LRP1: variants seen among roughly 807,000 people sequenced by gnomAD.
LRP1 encodes prolow-density lipoprotein receptor-related protein 1.
LRP1 carries 51 observed loss-of-function variants against 541.5 expected under a neutral mutation model. That is an observed-to-expected ratio of 0.09 (90% confidence interval 0.08 to 0.12). The LOEUF (loss-of-function observed/expected upper bound fraction) is 0.12, where lower values mean the gene tolerates loss of function less well. Among genes scored for constraint, LRP1 ranks in the 10% least tolerant of loss-of-function variants. The pLI, the probability that LRP1 is intolerant of heterozygous loss-of-function variation, is 1.00. For synonymous variants in LRP1, 2,219 were observed against 2,470.8 expected, an observed-to-expected ratio of 0.90 and a Z score of 3.02; for missense variants, 3,878 against 6,376.2, an observed-to-expected ratio of 0.61 and a Z score of 13.34.
chr12:57,175,481 G>A lies in LRP1; in HGVS notation c.3569G>A (p.Gly1190Asp), dbSNP rs760065131. ...CTAGACCAGTGCTCTCTGAATAACG[G>A]TGGCTGCAGCCACAACTGCTCAGTG... ...ELCDQCSLNN[G>D]GCSHNCSVAP... Residue 1190 changes from glycine (G) to aspartate (D), a missense_variant, in exon 23 of 89, where the codon GGT (glycine) becomes GAT (aspartate). This residue lies in a region of LRP1 where 320 missense variants were observed against 547.9 expected (regional missense o/e 0.58). Transcript: ENST00000243077. 18 of 1,613,556 alleles carry A rather than the reference G, an allele frequency of 1.1e-5. No homozygotes were observed. The East Asian group carries it at 3.8e-4, about 34-fold the overall frequency.
intron 58 of LRP1, 50 bp from the exon 59 acceptor site, chr12:57,198,106 G>T (rs1454049990): frequency 6.6e-7 from 1 of 1,518,150 alleles, no homozygotes; most frequent in Admixed American, 1.7e-5. Context: ...AGGCTTGCAG[G>T]TCCTCCCCCA....
intron 48 of LRP1, 24 bp from the exon 49 acceptor site, chr12:57,194,330 C>T: frequency 6.6e-7 from 1 of 1,507,426 alleles, no homozygotes; most frequent in Non-Finnish European, 8.9e-7. Flanking sequence ...AACCAGGTAT[C>T]ACCCTCACCC....
chr12:57,161,412 C>T (rs933690564), intron 13 of LRP1, among the ~76,000 whole-genome samples: 1 of 152,264 alleles, frequency 6.6e-6, no homozygotes, highest in African/African-American at 2.4e-5. Flanking sequence ...ACACCATGTG[C>T]GCCTCCTCAT....
intron 52 of LRP1, 97 bp downstream of exon 52, chr12:57,195,496 G>A: frequency 6.3e-7 from 1 of 1,577,640 alleles, no homozygotes; most frequent in Non-Finnish European, 8.6e-7. Flanking sequence ...AAATGCCTCA[G>A]CGGGGTCCAC....
chr12:57,189,493 C>T lies in LRP1; in HGVS notation c.7032-1312C>T, dbSNP rs2036332917. Among the ~76,000 whole-genome samples the T allele has an allele frequency of 1.3e-5, 2 of 152,208 alleles. No homozygotes were observed. The highest frequency in any genetic ancestry group is 1.3e-4 in the Admixed American group (2 of 15,288). On this transcript the variant is annotated intron_variant, in intron 42 of 88. Transcript: ENST00000243077. The surrounding 1 kb of genome is among the most constrained non-coding windows in gnomAD (Gnocchi z 4.4). Reference sequence around the variant, plus strand: ...CCTTAAGATCAGAGCTTCTCACGAGCTCGCCGAGGCTCAGGGCAGCCAGTG... The same window carrying T: ...CCTTAAGATCAGAGCTTCTCACGAGTTCGCCGAGGCTCAGGGCAGCCAGTG...
At chr12:57,155,945 C>A in intron 8 of LRP1, 149 bp from the exon 9 acceptor site, 1 of 637,802 alleles carries the variant, frequency 1.6e-6, no homozygotes, top group Non-Finnish European at 2.7e-6. Context: ...AGTGAGGTCC[C>A]GTCTCAAAAT....
Position 57,179,183 on chromosome 12 carries a change from A to AG in LRP1, c.4739-140dup, listed in dbSNP as rs1227347023. On this transcript the variant is annotated intron_variant, in intron 28 of 88. Coordinates refer to ENST00000243077, the MANE Select transcript of LRP1 (RefSeq NM_002332.3). This position sits in a 1 kb window ranked among gnomAD's most constrained non-coding sequence, Gnocchi z 6.8. ...TGTGAGAAGGGGCTGCAGGTCTGCC[A>AG]GGGGGGCTGCACCCAGCGGGGTATG... The AG allele has an allele frequency of 1.0e-5, 12 of 1,188,050 alleles. No homozygotes were observed. Among genetic ancestry groups the AG allele is most frequent in the Non-Finnish European group, 1.4e-5 (12 of 845,384 alleles). The allele number at this position is 1,188,050 out of a possible 1,614,324, so 73.6% of individuals were successfully genotyped here. A position where few individuals can be genotyped will look rare whatever the true frequency, so the allele number is the denominator to read the frequency against.
At chr12:57,143,055 C>G (rs936870675) in intron 3 of LRP1, among the ~76,000 whole-genome samples, 1 of 152,140 alleles carries the variant, frequency 6.6e-6, no homozygotes, top group Non-Finnish European at 1.5e-5. Flanking sequence ...CACCTCTCCC[C>G]CCTCCTGTCT....
rs2036141251 is a variant in LRP1 at position 57,180,494 on chromosome 12, G to A, written c.5386+15G>A. 12 of 1,613,664 alleles carry A rather than the reference G, an allele frequency of 7.4e-6. No homozygotes were observed. Among genetic ancestry groups the A allele is most frequent in the Non-Finnish European group, 1.0e-5 (12 of 1,179,856 alleles). The stretch of plus-strand genomic sequence containing the variant: ...GGCCATCATGGGTGAGGGCTGCTGG[G>A]CGAAGCAGAGATGACGCAGAGCAGG... On this transcript the variant is annotated intron_variant, in intron 32 of 88. Coordinates refer to ENST00000243077, the MANE Select transcript of LRP1 (RefSeq NM_002332.3).
rs1033154166 is a variant in LRP1 at position 57,167,973 on chromosome 12, A to G, written c.2995+449A>G. 1.6e-4 allele frequency among the ~76,000 whole-genome samples: 25 copies of G among 152,308 alleles called. 1 individual carries two copies. The highest frequency in any genetic ancestry group is 5.2e-4 in the Admixed American group (8 of 15,306). On this transcript the variant is annotated intron_variant, in intron 19 of 88. Coordinates refer to ENST00000243077, the MANE Select transcript of LRP1 (RefSeq NM_002332.3). The stretch of plus-strand genomic sequence containing the variant: ...CAGGTGATGTCAGCCTTGAGCCACC[A>G]GGGCTAGTATGTGTGTAAATGTGCG...
At position 57,205,608 on chromosome 12, in the gene LRP1, A is replaced by G; in HGVS notation, c.11521A>G (p.Thr3841Ala). The change falls in exon 75 of 89, where the codon ACC becomes GCC. Residue 3841 changes from threonine to alanine, a missense_variant. This residue lies in a region of LRP1 where 871 missense variants were observed against 1,212.4 expected (regional missense o/e 0.72). Transcript: ENST00000243077. The surrounding 1 kb of genome is among the most constrained non-coding windows in gnomAD (Gnocchi z 4.6). Reference protein sequence around the residue: ...FGTCSQLCNNTKGGHLCSCAR... With the variant: ...FGTCSQLCNNAKGGHLCSCAR... ...CACCTGCTCCCAGCTCTGCAACAAC[A>G]CCAAGGGCGGCCACCTCTGCAGCTG... is the stretch of plus-strand genomic sequence containing the variant. The G allele has an allele frequency of 6.2e-7, 1 of 1,613,784 alleles. No homozygotes were observed. Among genetic ancestry groups the G allele is most frequent in the Non-Finnish European group, 8.5e-7 (1 of 1,180,014 alleles).
intron 1 of LRP1, among the ~76,000 whole-genome samples, chr12:57,137,495 G>A (rs954037191): frequency 3.9e-5 from 6 of 152,116 alleles, no homozygotes; most frequent in Non-Finnish European, 8.8e-5. Context: ...TAACTCTAAG[G>A]ATGTCTACTG....
rs1371696948 is a variant in LRP1, at chr12:57,178,041, C to G, written c.4362-318C>G. 6.6e-6 allele frequency among the ~76,000 whole-genome samples: 1 copy of G among 151,724 alleles called. No individual in the cohort carries two copies. Among genetic ancestry groups the G allele is most frequent in the Non-Finnish European group, 1.5e-5 (1 of 67,908 alleles). On this transcript the variant is annotated intron_variant, in intron 26 of 88. Transcript: ENST00000243077. The surrounding 1 kb of genome is among the most constrained non-coding windows in gnomAD (Gnocchi z 5.8). ...TCGGCTCACTGCAGGCTCCGCCCCCCGGGGTTCACGCTGAGGGTGCCTTTT... is the reference window on the plus strand; with the variant it reads ...TCGGCTCACTGCAGGCTCCGCCCCCGGGGGTTCACGCTGAGGGTGCCTTTT...
In LRP1 at chr12:57,206,967, C is replaced by T. The variant is rs1162446617; in HGVS notation, c.11859+226C>T. Among the ~76,000 whole-genome samples, 3 of 152,136 alleles carry T rather than the reference C, an allele frequency of 2.0e-5. No individual in the cohort carries two copies. The highest frequency in any genetic ancestry group is 1.5e-5 in the Non-Finnish European group (1 of 68,026). On this transcript the variant is annotated intron_variant, in intron 76 of 88. Transcript: ENST00000243077. This position sits in a 1 kb window ranked among gnomAD's most constrained non-coding sequence, Gnocchi z 4.7. ...CTAAAAATACAAAAATTTGGCTGAG[C>T]GCGGTGGCTCATGCCTGTAATCCCA... is the stretch of plus-strand genomic sequence containing the variant.
In LRP1 at chr12:57,195,891, C is replaced by G; in HGVS notation, c.8589C>G (p.Phe2863Leu). 1 of 1,613,800 alleles carries G rather than the reference C, an allele frequency of 6.2e-7. No homozygotes were observed. The highest frequency in any genetic ancestry group is 1.1e-5 in the South Asian group (1 of 91,080). Residue 2863 changes from phenylalanine to leucine, a missense_variant, in exon 54 of 89, where the codon TTC becomes TTG. Phe to Leu is a conservative substitution (Grantham distance 22). Around this residue, in one of 13 missense-constraint regions of LRP1, gnomAD observed 1,100 missense variants for 1,827.4 expected, o/e 0.60. Transcript: ENST00000243077. ...CEYPTCGPSE[F>L]RCANGRCLSS... is the part of the protein sequence containing the mutation. ...ACCCGACCTGCGGCCCCAGTGAGTTCCGCTGTGCCAATGGGCGCTGTCTGA... is the reference window on the plus strand; with the variant it reads ...ACCCGACCTGCGGCCCCAGTGAGTTGCGCTGTGCCAATGGGCGCTGTCTGA...
intron 4 of LRP1, 139 bp downstream of exon 4, chr12:57,143,937 C>T: frequency 1.4e-5 from 16 of 1,130,502 alleles, no homozygotes; most frequent in Non-Finnish European, 1.6e-5. Context: ...GTGCCACCAC[C>T]CCAGGGCATG....
intron 42 of LRP1, among the ~76,000 whole-genome samples, chr12:57,190,131 C>G (rs912849207): frequency 2.6e-5 from 4 of 152,092 alleles, no homozygotes; most frequent in Non-Finnish European, 4.4e-5. Flanking sequence ...TGGCTCCAAC[C>G]CCAAACATGC....
At chr12:57,199,738 C>T (rs1195954882) in intron 61 of LRP1, 139 bp from the exon 62 acceptor site, 1 of 1,057,414 alleles carries the variant, frequency 9.5e-7, no homozygotes, top group Non-Finnish European at 1.4e-6. Context: ...CCTTAGAATC[C>T]TCTCCTATCT....
In LRP1 at chr12:57,205,653, A is replaced by G. The variant is rs780794112; in HGVS notation, c.11566A>G (p.Thr3856Ala). The G allele has an allele frequency of 6.2e-7, 1 of 1,612,574 alleles. No homozygotes were observed. Among genetic ancestry groups the G allele is most frequent in the African/African-American group, 1.3e-5 (1 of 74,942 alleles). Residue 3856 changes from threonine (T) to alanine (A), a missense_variant, in exon 75 of 89, where the codon ACG becomes GCG. Transcript: ENST00000243077. This position sits in a 1 kb window ranked among gnomAD's most constrained non-coding sequence, Gnocchi z 4.6. ...LCSCARNFMK[T>A]HNTCKAEGSE... ...CAGCTGCGCTCGGAACTTCATGAAG[A>G]CGCACAACACCTGCAAGGCCGAAGG...
Sources: gnomAD v4.1 joint callset for allele counts (sites outside exome capture counted in the v4.1 genomes callset) on GRCh38, gnomAD v4.1.1 for gene constraint, gnomAD v4.1.1 regional missense constraint, Gnocchi (gnomAD v3.1) non-coding constraint, MANE v1.5 for transcripts, NCBI Gene and HGNC (gene_info 2026-07-23, HGNC 2026-07-21) for gene names.